Variants in PDE4D observed in about 807,000 individuals in gnomAD.
The protein encoded by PDE4D is 3',5'-cyclic-AMP phosphodiesterase 4D.
In PDE4D, 24 loss-of-function variants were observed where a neutral mutation model predicts 87.4. The ratio of observed to expected loss-of-function variants is 0.27; its 90% CI spans 0.20 to 0.39. PDE4D has a LOEUF of 0.39. PDE4D is among the 10% of genes least tolerant of loss of function. PDE4D has a pLI of 1.00. For synonymous variants in PDE4D, 384 were observed against 383.2 expected (o/e 1.00, Z -0.02); for missense variants, 714 against 1,041.0 (o/e 0.69, Z 4.32).
chr5:59,482,222 CCTATT>C (rs1283164085), intron 1 of PDE4D, among the ~76,000 whole-genome samples: 1 of 152,068 alleles, frequency 6.6e-6, no homozygotes, highest in Non-Finnish European at 1.5e-5. Context: ...TTAGGCTTCT[CCTATT>C]CTAGAGCATT....
At chr5:59,059,199 T>A (rs772265681) in intron 5 of PDE4D, among the ~76,000 whole-genome samples, 3 of 152,170 alleles carry the variant, frequency 2.0e-5, no homozygotes, top group Admixed American at 6.6e-5. Flanking sequence ...CTACATCATG[T>A]TTTGGTGCTT....
intron 1 of PDE4D, among the ~76,000 whole-genome samples, chr5:60,267,398 G>A (rs1354642584): frequency 6.6e-6 from 1 of 152,084 alleles, no homozygotes; most frequent in Non-Finnish European, 1.5e-5. Flanking sequence ...ACACATAAAA[G>A]ATAATTAGAG....
At chr5:59,329,336 A>G (rs1352995165) in intron 1 of PDE4D, among the ~76,000 whole-genome samples, 1 of 152,164 alleles carries the variant, frequency 6.6e-6, no homozygotes, top group East Asian at 1.9e-4. Context: ...AAATGTTTTC[A>G]TGGAATCATT....
chr5:59,758,306 T>C (rs1761535963), intron 1 of PDE4D, among the ~76,000 whole-genome samples: 1 of 152,196 alleles, frequency 6.6e-6, no homozygotes, highest in Non-Finnish European at 1.5e-5. Context: ...ACAAAGTACC[T>C]GACACATGGC....
chr5:60,142,582 A>T (rs890710653), intron 2 of PDE4D, among the ~76,000 whole-genome samples: 1 of 152,214 alleles, frequency 6.6e-6, no homozygotes, highest in Non-Finnish European at 1.5e-5. Context: ...AGCATGAGCC[A>T]GGGTTCTGAC....
At chr5:60,245,070 C>T (rs1219203678) in intron 1 of PDE4D, among the ~76,000 whole-genome samples, 1 of 151,778 alleles carries the variant, frequency 6.6e-6, no homozygotes, top group Non-Finnish European at 1.5e-5. Context: ...ATAACCAGAA[C>T]ATATAAGGAG....
chr5:59,652,407 C>G (rs1561408896), intron 1 of PDE4D, among the ~76,000 whole-genome samples: 1 of 152,198 alleles, frequency 6.6e-6, no homozygotes, highest in East Asian at 1.9e-4. Flanking sequence ...TGATAGAATG[C>G]CACATAAGCA....
intron 5 of PDE4D, among the ~76,000 whole-genome samples, chr5:59,120,325 CAT>C (rs1774272538): frequency 6.6e-6 from 1 of 152,146 alleles, no homozygotes; most frequent in South Asian, 2.1e-4. Flanking sequence ...TATCCCACAG[CAT>C]ATAGTCAAGT....
intron 2 of PDE4D, among the ~76,000 whole-genome samples, chr5:60,120,803 G>T (rs948776755): frequency 2.0e-5 from 3 of 152,136 alleles, no homozygotes; most frequent in Admixed American, 1.3e-4. Context: ...TACCCACTGC[G>T]ATAGTTAACA....
chr5:60,264,022 A>G (rs1318466706), intron 1 of PDE4D, among the ~76,000 whole-genome samples: 28 of 151,962 alleles, frequency 1.8e-4, no homozygotes, highest in Admixed American at 1.8e-3. Context: ...AATAAATAAT[A>G]AACTAAAAGG....
chr5:60,434,103 G>A (rs1744576939), intron 1 of PDE4D, among the ~76,000 whole-genome samples: 1 of 152,102 alleles, frequency 6.6e-6, no homozygotes, highest in Non-Finnish European at 1.5e-5. Context: ...AGAGGAGAAA[G>A]CTCTCTTTGA....
intron 1 of PDE4D, among the ~76,000 whole-genome samples, chr5:59,583,638 T>C (rs1417746083): frequency 6.6e-6 from 1 of 152,230 alleles, no homozygotes; most frequent in South Asian, 2.1e-4. Flanking sequence ...AACCAAGTAA[T>C]AGGACCACTT....
At chr5:59,679,705 G>T (rs2150359181) in intron 1 of PDE4D, among the ~76,000 whole-genome samples, 1 of 152,132 alleles carries the variant, frequency 6.6e-6, no homozygotes, top group East Asian at 1.9e-4. Context: ...ACTTAACAAT[G>T]ATTTAAATTA....
chr5:59,291,049 C>G (rs1246488574), intron 1 of PDE4D, among the ~76,000 whole-genome samples: 1 of 151,998 alleles, frequency 6.6e-6, no homozygotes, highest in African/African-American at 2.4e-5. Context: ...AAAAATAGAG[C>G]TACCATATGA....
chr5:59,967,703 C>G (rs2152815114), intron 3 of PDE4D, among the ~76,000 whole-genome samples: 1 of 152,262 alleles, frequency 6.6e-6, no homozygotes, highest in African/African-American at 2.4e-5. Context: ...TCTCAAAGAA[C>G]TTAAAACAGA....
chr5:59,086,472 T>C (rs1767698402), intron 5 of PDE4D, among the ~76,000 whole-genome samples: 1 of 152,172 alleles, frequency 6.6e-6, no homozygotes, highest in African/African-American at 2.4e-5. Flanking sequence ...CCACTACTTC[T>C]CAATCTCTTT....
chr5:59,354,234 G>T (rs1049563213), intron 1 of PDE4D, among the ~76,000 whole-genome samples: 1 of 152,110 alleles, frequency 6.6e-6, no homozygotes, highest in Non-Finnish European at 1.5e-5. Flanking sequence ...CCAATGTCCA[G>T]TTCTTTCAGT....
chr5:59,667,800 A>C (rs1746325946), intron 1 of PDE4D, among the ~76,000 whole-genome samples: 1 of 152,194 alleles, frequency 6.6e-6, no homozygotes, highest in Non-Finnish European at 1.5e-5. Context: ...TATATTTCTT[A>C]GATCACACAT....
At chr5:59,437,592 G>A (rs1223812637) in intron 1 of PDE4D, among the ~76,000 whole-genome samples, 2 of 152,124 alleles carry the variant, frequency 1.3e-5, no homozygotes, top group African/African-American at 4.8e-5. Context: ...TTGGTTGCCA[G>A]ATGACTTTTT....
Sources: allele counts gnomAD v4.1 joint callset (sites outside exome capture counted in the v4.1 genomes callset), GRCh38; gene constraint gnomAD v4.1.1; transcripts MANE v1.5; gene names NCBI Gene and HGNC (gene_info 2026-07-23, HGNC 2026-07-21).